GPR176: variants seen among roughly 807,000 people sequenced by gnomAD.
The protein encoded by GPR176 is G-protein coupled receptor 176.
GPR176 carries 26 observed loss-of-function variants against 35.4 expected under a neutral mutation model. The ratio of observed to expected loss-of-function variants is 0.74; its 90% CI spans 0.54 to 1.02. The LOEUF (loss-of-function observed/expected upper bound fraction) is 1.02. Among genes scored for constraint, GPR176 ranks in the 50% least tolerant of loss-of-function variants. The pLI, the probability that GPR176 is intolerant of heterozygous loss-of-function variation, is 0.00. For missense variants in GPR176, 597 were observed against 665.3 expected (o/e 0.90, Z 1.13); for synonymous variants, 278 against 271.3 (o/e 1.02, Z -0.24).
At chr15:39,826,843 G>A (rs193255091) in intron 1 of GPR176, among the ~76,000 whole-genome samples, 11 of 152,236 alleles carry the variant, frequency 7.2e-5, no homozygotes, top group African/African-American at 2.6e-4. Flanking sequence ...CTGACACAGT[G>A]TATCCTAATG....
chr15:39,868,991 C>A (rs1595494920), intron 1 of GPR176, among the ~76,000 whole-genome samples: 1 of 139,824 alleles, frequency 7.2e-6, no homozygotes. Context: ...GCAACAAGAG[C>A]AAAATTCTGT....
At chr15:39,806,732 A>T (rs570743088) in intron 2 of GPR176, among the ~76,000 whole-genome samples, 28 of 152,316 alleles carry the variant, frequency 1.8e-4, no homozygotes, top group African/African-American at 6.7e-4. Flanking sequence ...AACCAAGCTG[A>T]ACTGACACCA....
intron 1 of GPR176, among the ~76,000 whole-genome samples, chr15:39,888,798 C>G (rs757112487): frequency 2.4e-4 from 37 of 152,206 alleles, no homozygotes; most frequent in Non-Finnish European, 4.4e-5. Context: ...ATTTCCATTT[C>G]CAGAAGCTTA....
At position 39,919,791 on chromosome 15, in the gene GPR176, C is replaced by T. The variant is rs907764044; in HGVS notation, c.172+64G>A. ...CCCACGGCGGCTGGGCGGCCCTGCT[C>T]CCGGCTCTCCGAGCCTGTACCCTCG... On this transcript the variant is annotated intron_variant, in intron 1 of 2. Coordinates refer to ENST00000561100, the MANE Select transcript of GPR176 (RefSeq NM_007223.3). The T allele has an allele frequency of 4.6e-6, 6 of 1,291,700 alleles. No individual in the cohort carries two copies. The South Asian group carries it at 1.3e-4, about 27-fold the overall frequency. The allele number at this position is 1,291,700 out of a possible 1,614,324, so 80.0% of individuals were successfully genotyped here.
chr15:39,821,575 T>C (rs1180092026), intron 1 of GPR176, among the ~76,000 whole-genome samples: 2 of 152,194 alleles, frequency 1.3e-5, no homozygotes, highest in East Asian at 3.8e-4. Context: ...AAAGTGAGCA[T>C]ATATGCAAAG....
At chr15:39,881,110 C>T (rs1340711218) in intron 1 of GPR176, among the ~76,000 whole-genome samples, 4 of 152,096 alleles carry the variant, frequency 2.6e-5, no homozygotes, top group Non-Finnish European at 5.9e-5. Flanking sequence ...AATTTATGCT[C>T]CCACCACCCT....
In GPR176 at chr15:39,799,115, A is replaced by G. The variant is rs1898704057; in HGVS notation, c.*2017T>C. 1 of 151,680 alleles carries G rather than the reference A, an allele frequency of 6.6e-6. No homozygotes were observed. Among genetic ancestry groups the G allele is most frequent in the South Asian group, 2.1e-4 (1 of 4,790 alleles). The allele number at this position is 151,680 out of a possible 1,614,324, so 9.4% of individuals were successfully genotyped here. A position where few individuals can be genotyped will look rare whatever the true frequency, so the allele number is the denominator to read the frequency against. ...TAGTAGTCAGCCATCTGCTTCAAAC[A>G]TATATAAGAAACATACCCAACCAGA... On this transcript the variant is annotated 3_prime_UTR_variant, in exon 3 of 3. Transcript: ENST00000561100.
chr15:39,893,912 C>T (rs1486883038), intron 1 of GPR176, among the ~76,000 whole-genome samples: 1 of 105,204 alleles, frequency 9.5e-6, no homozygotes, highest in African/African-American at 4.1e-5. Context: ...TGGGGGCTGA[C>T]CCCCCCCAAC....
chr15:39,883,489 T>C (rs1347044987), intron 1 of GPR176, among the ~76,000 whole-genome samples: 1 of 152,232 alleles, frequency 6.6e-6, no homozygotes, highest in Non-Finnish European at 1.5e-5. Flanking sequence ...ATTACCACCA[T>C]GAAGGAAAGA....
chr15:39,895,519 C>T (rs1362361958), intron 1 of GPR176, among the ~76,000 whole-genome samples: 1 of 152,134 alleles, frequency 6.6e-6, no homozygotes, highest in African/African-American at 2.4e-5. Flanking sequence ...TTAATAAATA[C>T]CACACTGTCT....
chr15:39,899,005 A>G (rs910996160), intron 1 of GPR176, among the ~76,000 whole-genome samples: 7 of 152,168 alleles, frequency 4.6e-5, no homozygotes, highest in Admixed American at 4.6e-4. Context: ...TTCCTGTTCT[A>G]GAGGAGCACT....
At chr15:39,824,942 T>C (rs1295766603) in intron 1 of GPR176, among the ~76,000 whole-genome samples, 1 of 152,228 alleles carries the variant, frequency 6.6e-6, no homozygotes, top group Non-Finnish European at 1.5e-5. Context: ...TGGTGGCTCA[T>C]GCCTGTAATC....
intron 1 of GPR176, among the ~76,000 whole-genome samples, chr15:39,846,616 A>G (rs536653721): frequency 6.6e-6 from 1 of 152,342 alleles, no homozygotes; most frequent in Non-Finnish European, 1.5e-5. Context: ...CCAATTAGGG[A>G]TAAGAAACTA....
chr15:39,873,023 T>C (rs893201040), intron 1 of GPR176, among the ~76,000 whole-genome samples: 4 of 151,214 alleles, frequency 2.6e-5, no homozygotes, highest in African/African-American at 9.7e-5. Context: ...TTGGTAACAG[T>C]AGGAGAAATG....
At chr15:39,868,247 A>G (rs2031908420) in intron 1 of GPR176, among the ~76,000 whole-genome samples, 1 of 152,180 alleles carries the variant, frequency 6.6e-6, no homozygotes, top group African/African-American at 2.4e-5. Context: ...AGGCTCTTGG[A>G]GTCCTTGTCA....
At chr15:39,822,421 C>T (rs1900335720) in intron 1 of GPR176, among the ~76,000 whole-genome samples, 1 of 152,174 alleles carries the variant, frequency 6.6e-6, no homozygotes, top group Non-Finnish European at 1.5e-5. Flanking sequence ...CAAACACTGC[C>T]TCACTCATTA....
chr15:39,872,656 G>A (rs1160097152), intron 1 of GPR176, among the ~76,000 whole-genome samples: 2 of 152,178 alleles, frequency 1.3e-5, no homozygotes, highest in Non-Finnish European at 2.9e-5. Context: ...GAAATATAAT[G>A]TCAGCAACTG....
chr15:39,823,263 C>T (rs1039371084), intron 1 of GPR176, among the ~76,000 whole-genome samples: 1 of 152,060 alleles, frequency 6.6e-6, no homozygotes, highest in East Asian at 1.9e-4. Flanking sequence ...ATCCATATGC[C>T]CACTTGACTT....
chr15:39,869,569 CTTAT>C (rs897832325), intron 1 of GPR176, among the ~76,000 whole-genome samples: 135 of 152,312 alleles, frequency 8.9e-4, no homozygotes, highest in African/African-American at 3.1e-3. Flanking sequence ...TTCTCCATTC[CTTAT>C]TTTTTTCTTC....
Sources: gnomAD v4.1 joint callset for allele counts (sites outside exome capture counted in the v4.1 genomes callset) on GRCh38, gnomAD v4.1.1 for gene constraint, MANE v1.5 for transcripts, NCBI Gene and HGNC (gene_info 2026-07-23, HGNC 2026-07-21) for gene names.